The following GIT2 variants were observed in gnomAD, a reference collection of about 807,000 sequenced individuals.
GIT2 encodes the protein GIT ArfGAP 2.
In GIT2, 32 loss-of-function variants were observed where a neutral mutation model predicts 100.3. The observed-to-expected ratio is 0.32, with a 90% CI of 0.24 to 0.43. The LOEUF (loss-of-function observed/expected upper bound fraction) is 0.43, where lower values mean the gene tolerates loss of function less well. Ranked by LOEUF, GIT2 falls within the 20% of genes least tolerant of loss-of-function variation. The probability of loss-of-function intolerance (pLI) is 1.00; values close to 1 mark genes in which losing one functional copy is unlikely to be tolerated. For missense variants in GIT2, 737 were observed against 975.1 expected, an observed-to-expected ratio of 0.76 and a Z score of 3.25; for synonymous variants, 353 against 364.1, an observed-to-expected ratio of 0.97 and a Z score of 0.35.
chr12:109,938,818 G>C (rs898229118), intron 17 of GIT2: 2 of 517,270 alleles, frequency 3.9e-6, no homozygotes, highest in Non-Finnish European at 6.8e-6. Flanking sequence ...CCTGGAGCGG[G>C]GAGGGTGTTT....
chr12:109,983,421 T>C lies in GIT2; in HGVS notation c.575A>G (p.Asp192Gly). The change falls in exon 6 of 20, where the codon GAC becomes GGC. Residue 192 changes from aspartate (D) to glycine (G), a missense_variant. Physicochemically the swap from Asp to Gly is moderately conservative, Grantham distance 94. Around this residue, in one of 3 missense-constraint regions of GIT2, gnomAD observed 266 missense variants for 376.2 expected, o/e 0.71. Transcript: ENST00000355312. ...CCCACTAGAATCCTGTGTGCCTGGGTCTGCTCCATATACTGCCAATAATTC... is the reference window on the plus strand; with the variant it reads ...CCCACTAGAATCCTGTGTGCCTGGGCCTGCTCCATATACTGCCAATAATTC... The part of the protein sequence containing the change: ...QAELLAVYGA[D>G]PGTQDSSGKT... 1.2e-6 allele frequency: 2 copies of C among 1,613,808 alleles called. No individual in the cohort carries two copies. Among genetic ancestry groups the C allele is most frequent in the Non-Finnish European group, 1.7e-6 (2 of 1,179,702 alleles).
chr12:109,990,575 C>A (rs749281711), intron 2 of GIT2, among the ~76,000 whole-genome samples: 1 of 152,208 alleles, frequency 6.6e-6, no homozygotes, highest in Non-Finnish European at 1.5e-5. Flanking sequence ...TACAAACCCA[C>A]TTGTTTTGGC....
intron 6 of GIT2, chr12:109,982,386 T>C (rs951728150): frequency 1.3e-5 from 2 of 152,230 alleles, no homozygotes; most frequent in Non-Finnish European, 2.9e-5. Flanking sequence ...CTTGCCTCCT[T>C]GAACTCTTTC....
chr12:109,986,190 C>T (rs185406206), intron 4 of GIT2, among the ~76,000 whole-genome samples: 237 of 152,252 alleles, frequency 1.6e-3, no homozygotes, highest in Non-Finnish European at 2.5e-3. Context: ...TTAACTCATT[C>T]TGTGAAGCCA....
chr12:109,942,165 AC>A (rs1874943795), intron 16 of GIT2, among the ~76,000 whole-genome samples: 1 of 151,930 alleles, frequency 6.6e-6, no homozygotes, highest in South Asian at 2.1e-4. Flanking sequence ...TTATATATAC[AC>A]CCACACAGAG....
intron 7 of GIT2, among the ~76,000 whole-genome samples, chr12:109,969,111 G>A (rs969893224): frequency 3.2e-4 from 47 of 146,606 alleles, no homozygotes; most frequent in Non-Finnish European, 6.3e-4. Flanking sequence ...CTCCCAGTCT[G>A]TTGCTGGTCT....
intron 14 of GIT2, 113 bp downstream of exon 14, chr12:109,951,054 A>C: frequency 1.1e-6 from 1 of 900,356 alleles, no homozygotes; most frequent in Non-Finnish European, 1.8e-6. Flanking sequence ...AAGATTTCTA[A>C]GGCTGTTACA....
rs765679405 is a variant in GIT2 at position 109,939,156 on chromosome 12, T to C, written c.1814+9A>G. ...CCCCTCCCCTGGCACGCTCGTCCTG[T>C]GCATGTACCCCATGCCATCTGGCTC... On this transcript the variant is annotated intron_variant, in intron 17 of 19. Transcript: ENST00000355312. 6 of 1,577,310 alleles carry C rather than the reference T, an allele frequency of 3.8e-6. No individual in the cohort carries two copies. The highest frequency in any genetic ancestry group is 1.7e-6 in the Non-Finnish European group (2 of 1,146,732).
At position 109,933,555 on chromosome 12, in the gene GIT2, G is replaced by T. The variant is rs1371580314; in HGVS notation, c.2068-365C>A. 1 of 222,288 alleles carries T rather than the reference G, an allele frequency of 4.5e-6. No individual in the cohort carries two copies. The highest frequency in any genetic ancestry group is 8.9e-6 in the Non-Finnish European group (1 of 111,778). The allele number at this position is 222,288 out of a possible 1,614,324, so 13.8% of individuals were successfully genotyped here. ...CTTGTCTTATTAAATCAACATTCATGCAGAACAAAAATATTTCAAAGCTCT... is the reference window on the plus strand; with the variant it reads ...CTTGTCTTATTAAATCAACATTCATTCAGAACAAAAATATTTCAAAGCTCT... On this transcript the variant is annotated intron_variant, in intron 19 of 19. Transcript: ENST00000355312. The surrounding 1 kb of genome is among the most constrained non-coding windows in gnomAD (Gnocchi z 4.5).
At position 109,973,189 on chromosome 12, in the gene GIT2, G is replaced by C. The variant is rs150586496; in HGVS notation, c.719-5686C>G. 3.0e-3 allele frequency among the ~76,000 whole-genome samples: 457 copies of C among 152,230 alleles called. 3 individuals are homozygous for C. Among genetic ancestry groups the C allele is most frequent in the African/African-American group, 0.01 (428 of 41,526 alleles). Reference sequence around the variant, plus strand: ...GGAGTCTGACTCTGTCACCCAGGCTGGAGTGCAGTTGCACAATCTCAGCTC... The same window carrying C: ...GGAGTCTGACTCTGTCACCCAGGCTCGAGTGCAGTTGCACAATCTCAGCTC... On this transcript the variant is annotated intron_variant, in intron 7 of 19. Transcript: ENST00000355312.
chr12:109,979,109 C>A (rs1177995816), intron 7 of GIT2, among the ~76,000 whole-genome samples: 1 of 152,070 alleles, frequency 6.6e-6, no homozygotes, highest in Admixed American at 6.5e-5. Flanking sequence ...ATTTAGGAAC[C>A]TGTGCTGCCA....
intron 7 of GIT2, among the ~76,000 whole-genome samples, chr12:109,971,519 C>T (rs1883864154): frequency 6.6e-6 from 1 of 151,440 alleles, no homozygotes; most frequent in African/African-American, 2.4e-5. Context: ...AGAGACAGGG[C>T]TTCCCCATGT....
chr12:109,936,761 T>G (rs1873122366), intron 18 of GIT2, among the ~76,000 whole-genome samples: 1 of 152,004 alleles, frequency 6.6e-6, no homozygotes, highest in Admixed American at 6.6e-5. Context: ...TCCCAGCTAC[T>G]TGGGAAGCTG....
chr12:109,986,935 C>T (rs1887509579), intron 4 of GIT2, among the ~76,000 whole-genome samples: 1 of 151,498 alleles, frequency 6.6e-6, no homozygotes, highest in South Asian at 2.1e-4. Flanking sequence ...ACAGCCTGGA[C>T]TACAGAGCGA....
At chr12:109,946,344 G>A (rs1420955804) in intron 15 of GIT2, among the ~76,000 whole-genome samples, 1 of 152,088 alleles carries the variant, frequency 6.6e-6, no homozygotes, top group African/African-American at 2.4e-5. Context: ...TCCTTGCTTT[G>A]CATCTACCTT....
intron 1 of GIT2, 185 bp from the exon 2 acceptor site, chr12:109,991,945 T>A: frequency 1.9e-6 from 1 of 514,888 alleles, no homozygotes; most frequent in South Asian, 2.9e-5. Flanking sequence ...TTAGGTACAA[T>A]GTTAATTGAG....
intron 14 of GIT2, 87 bp downstream of exon 14, chr12:109,951,080 T>C: frequency 8.6e-7 from 1 of 1,158,410 alleles, no homozygotes; most frequent in Non-Finnish European, 1.3e-6. Context: ...TGTTTTTCTT[T>C]CCTCGGACCA....
At chr12:109,981,416 T>C (rs1322793310) in intron 6 of GIT2, 2 of 212,654 alleles carry the variant, frequency 9.4e-6, no homozygotes, top group South Asian at 6.1e-5. Context: ...AAATATACCA[T>C]GTGCAGGCCC....
intron 2 of GIT2, among the ~76,000 whole-genome samples, chr12:109,990,478 C>T (rs1888163725): frequency 6.6e-6 from 1 of 152,204 alleles, no homozygotes; most frequent in African/African-American, 2.4e-5. Flanking sequence ...AGTAATAAAT[C>T]ATATCTCCAA....
Sources: allele counts gnomAD v4.1 joint callset (sites outside exome capture counted in the v4.1 genomes callset), GRCh38; gene constraint gnomAD v4.1.1; regional missense constraint gnomAD v4.1.1; non-coding constraint Gnocchi (gnomAD v3.1); transcripts MANE v1.5; gene names NCBI Gene and HGNC (gene_info 2026-07-23, HGNC 2026-07-21).